Variants in TCTN3 observed in about 807,000 individuals in gnomAD.
TCTN3 encodes the protein tectonic family member 3.
In TCTN3, 57 loss-of-function variants were observed where a neutral mutation model predicts 71.3. The observed-to-expected ratio is 0.80, with a 90% confidence interval of 0.65 to 1.00. TCTN3 has a LOEUF of 1.00. Ranked by LOEUF, TCTN3 falls within the 50% of genes least tolerant of loss-of-function variation. The pLI is 0.00. For synonymous variants in TCTN3, 258 were observed against 267.8 expected (o/e 0.96, Z 0.36); for missense variants, 696 against 719.9 (o/e 0.97, Z 0.38).
At position 95,684,644 on chromosome 10, in the gene TCTN3, A is replaced by C. The variant is rs1171247248; in HGVS notation, c.970-20T>G. On this transcript the variant is annotated intron_variant, in intron 8 of 13. Transcript: ENST00000371217. ...GGTGACCTGAAATGCAAAAAGAATC[A>C]ATTAATAAAAAGTAGTTATTGGGCC... 7.4e-6 allele frequency: 12 copies of C among 1,611,956 alleles called. No homozygotes were observed. Among genetic ancestry groups the C allele is most frequent in the Non-Finnish European group, 9.3e-6 (11 of 1,178,934 alleles).
intron 13 of TCTN3, 42 bp from the exon 14 acceptor site, chr10:95,664,342 A>G: frequency 1.3e-6 from 2 of 1,524,576 alleles, no homozygotes; most frequent in South Asian, 1.1e-5. Context: ...CTTGGTACCC[A>G]TTCATATAGC....
intron 2 of TCTN3, 52 bp from the exon 3 acceptor site, chr10:95,693,090 C>T (rs2097955144): frequency 7.1e-7 from 1 of 1,410,648 alleles, no homozygotes; most frequent in Non-Finnish European, 9.8e-7. Context: ...GGGGCAGGTC[C>T]AAAAAAGAGT....
At chr10:95,668,422 T>G (rs951355968) in intron 13 of TCTN3, among the ~76,000 whole-genome samples, 2 of 152,066 alleles carry the variant, frequency 1.3e-5, no homozygotes, top group African/African-American at 4.8e-5. Flanking sequence ...CTTCAGACTA[T>G]TAAGAATAAA....
intron 12 of TCTN3, among the ~76,000 whole-genome samples, chr10:95,680,848 G>A (rs890558856): frequency 1.4e-5 from 2 of 146,782 alleles, no homozygotes; most frequent in East Asian, 4.0e-4. Flanking sequence ...GCACGATCTC[G>A]GCTCACTGCA....
At chr10:95,684,282 G>A (rs1345672237) in intron 9 of TCTN3, among the ~76,000 whole-genome samples, 1 of 152,202 alleles carries the variant, frequency 6.6e-6, no homozygotes, top group Non-Finnish European at 1.5e-5. Context: ...TTGGGGGCCA[G>A]ACAGAGAATT....
chr10:95,677,474 G>GT (rs10654251), intron 13 of TCTN3, among the ~76,000 whole-genome samples: 2,472 of 80,678 alleles, frequency 0.031, 153 homozygotes, highest in African/African-American at 0.079. Context: ...GAAGTCTACA[G>GT]TTTTTTTTGT....
intron 13 of TCTN3, 108 bp downstream of exon 13, chr10:95,680,364 T>C: frequency 7.6e-7 from 1 of 1,318,790 alleles, no homozygotes. Flanking sequence ...CATTGGTTGC[T>C]AACATAAATT....
intron 13 of TCTN3, among the ~76,000 whole-genome samples, chr10:95,671,686 A>G (rs760166858): frequency 3.9e-5 from 6 of 152,148 alleles, no homozygotes; most frequent in Non-Finnish European, 5.9e-5. Context: ...AGAGTTCCTT[A>G]TTTTACATAT....
intron 3 of TCTN3, among the ~76,000 whole-genome samples, chr10:95,691,120 A>G (rs2097953124): frequency 6.6e-6 from 1 of 152,226 alleles, no homozygotes; most frequent in Non-Finnish European, 1.5e-5. Flanking sequence ...ACCCTGGAGC[A>G]TGATCATAAG....
intron 3 of TCTN3, among the ~76,000 whole-genome samples, chr10:95,688,883 C>G (rs1184597359): frequency 6.6e-6 from 1 of 152,132 alleles, no homozygotes; most frequent in Non-Finnish European, 1.5e-5. Context: ...ACTCTGTCTG[C>G]TTTACTACTC....
intron 12 of TCTN3, among the ~76,000 whole-genome samples, chr10:95,681,094 G>C (rs1353255276): frequency 6.9e-6 from 1 of 144,296 alleles, no homozygotes; most frequent in Admixed American, 6.9e-5. Flanking sequence ...TTTTTTTTTT[G>C]AGATGGAGTC....
intron 13 of TCTN3, among the ~76,000 whole-genome samples, chr10:95,664,910 T>C (rs931246517): frequency 6.6e-6 from 1 of 152,226 alleles, no homozygotes. Flanking sequence ...TCCCTTTGTT[T>C]TGACTCAGCT....
chr10:95,669,042 C>G (rs938505708), intron 13 of TCTN3, among the ~76,000 whole-genome samples: 2 of 152,190 alleles, frequency 1.3e-5, no homozygotes, highest in Non-Finnish European at 2.9e-5. Context: ...AAATTGAATA[C>G]TTGCCGCAGC....
chr10:95,689,467 C>T lies in TCTN3; in HGVS notation c.500-1748G>A, dbSNP rs78920099. On this transcript the variant is annotated intron_variant, in intron 3 of 13. Coordinates refer to ENST00000371217, the MANE Select transcript of TCTN3 (RefSeq NM_015631.6). ...TTCGGAACTCATACCCTGAAAACCA[C>T]ATGGAGGAGATATTTACCTCATGTA... 1.2e-4 allele frequency among the ~76,000 whole-genome samples: 18 copies of T among 152,290 alleles called. No individual in the cohort carries two copies. The East Asian group carries it at 3.5e-3, about 29-fold the overall frequency.
At chr10:95,686,570 C>T (rs749742779) in intron 6 of TCTN3, 40 bp from the exon 7 acceptor site, 99 of 1,596,884 alleles carry the variant, frequency 6.2e-5, no homozygotes, top group Non-Finnish European at 8.1e-5. Context: ...ATATACCTTA[C>T]CAAAAATCAC....
At chr10:95,665,860 C>T (rs2097925123) in intron 13 of TCTN3, among the ~76,000 whole-genome samples, 1 of 152,040 alleles carries the variant, frequency 6.6e-6, no homozygotes, top group East Asian at 1.9e-4. Flanking sequence ...TCAAGTGATC[C>T]TCCTGCCTCA....
intron 13 of TCTN3, among the ~76,000 whole-genome samples, chr10:95,672,752 G>A (rs1176003665): frequency 6.8e-6 from 1 of 146,958 alleles, no homozygotes; most frequent in Non-Finnish European, 1.5e-5. Context: ...GAGCGCAGTG[G>A]CATGATCTCG....
chr10:95,673,793 T>C (rs1291283046), intron 13 of TCTN3, among the ~76,000 whole-genome samples: 7 of 152,196 alleles, frequency 4.6e-5, no homozygotes, highest in Non-Finnish European at 1.0e-4. Context: ...TGAACTATGA[T>C]GGCACCACTT....
rs771330653 is a variant in TCTN3 at position 95,686,494 on chromosome 10, C to A, written c.888+1G>T. 2 of 1,614,050 alleles carry A rather than the reference C, an allele frequency of 1.2e-6. No individual in the cohort carries two copies. The highest frequency in any genetic ancestry group is 1.7e-6 in the Non-Finnish European group (2 of 1,179,964). On this transcript the variant is annotated splice_donor_variant, in intron 7 of 13. Coordinates refer to ENST00000371217, the MANE Select transcript of TCTN3 (RefSeq NM_015631.6). LOFTEE classifies it high-confidence loss of function. The stretch of plus-strand genomic sequence containing the variant: ...TTTTTCCTGGTACAACAGCATCATA[C>A]CTCCATATTCTGTGGATCAGTCATG...
Sources: gnomAD v4.1 joint callset for allele counts (sites outside exome capture counted in the v4.1 genomes callset) on GRCh38, gnomAD v4.1.1 for gene constraint, MANE v1.5 for transcripts, NCBI Gene and HGNC (gene_info 2026-07-23, HGNC 2026-07-21) for gene names.